Variants in DZIP1 observed in about 807,000 individuals in gnomAD.
DZIP1 encodes the protein DAZ interacting zinc finger protein 1.
A neutral mutation model predicts 107.6 loss-of-function variants in DZIP1; 97 were observed. That is an observed-to-expected ratio of 0.90 (90% CI 0.77 to 1.07). DZIP1 has a LOEUF of 1.07. DZIP1 is among the 50% of genes least tolerant of loss of function. The pLI, the probability that DZIP1 is intolerant of heterozygous loss-of-function variation, is 0.00. For missense variants in DZIP1, 1,035 were observed against 1,063.6 expected (o/e 0.97, Z 0.37); for synonymous variants, 390 against 386.4 (o/e 1.01, Z -0.11).
chr13:95,621,021 G>A lies in DZIP1; in HGVS notation c.1111-1074C>T, dbSNP rs569331665. 1.6e-4 allele frequency among the ~76,000 whole-genome samples: 25 copies of A among 152,306 alleles called. No homozygotes were observed. The South Asian group carries it at 1.9e-3, about 11-fold the overall frequency. ...ACAGGCCCTGCTCTGCACGGGAGGC[G>A]AGTAGACACAGCCATGGAGAATCCA... On this transcript the variant is annotated intron_variant, in intron 9 of 22. Coordinates refer to ENST00000376829, the MANE Select transcript of DZIP1 (RefSeq NM_198968.4).
chr13:95,638,694 A>G (rs7986280), intron 5 of DZIP1, among the ~76,000 whole-genome samples: 123,062 of 151,948 alleles, frequency 0.81, 50,851 homozygotes, highest in Non-Finnish European at 0.91. Context: ...ACCCATTAGG[A>G]TGCGTGCGTG....
In DZIP1 at chr13:95,617,053, C is replaced by T. The variant is rs573696977; in HGVS notation, c.1173+2832G>A. ...TGAAACCCCATCTCTACTAAGAATA[C>T]AAAAATTAGCTCAGCATGGTGGCAC... is the stretch of plus-strand genomic sequence containing the variant. On this transcript the variant is annotated intron_variant, in intron 10 of 22. Transcript: ENST00000376829. Among the ~76,000 whole-genome samples, 16 of 152,018 alleles carry T rather than the reference C, an allele frequency of 1.1e-4. No homozygotes were observed. The South Asian group carries it at 2.9e-3, about 28-fold the overall frequency.
chr13:95,613,215 A>AG (rs958624769), intron 10 of DZIP1, among the ~76,000 whole-genome samples: 10 of 152,126 alleles, frequency 6.6e-5, no homozygotes, highest in East Asian at 1.9e-4. Context: ...AAAGAAACAA[A>AG]GGGGGGGCGG....
In DZIP1 at chr13:95,584,552, C is replaced by T. The variant is rs1266209610; in HGVS notation, c.2524+184G>A. 9.7e-6 allele frequency: 11 copies of T among 1,134,038 alleles called. No homozygotes were observed. The East Asian group carries it at 2.7e-4, about 28-fold the overall frequency. 70.2% of individuals were successfully genotyped at this position (1,134,038 alleles called of 1,614,324 possible). Reference sequence around the variant, plus strand: ...TAGTCCTATAATTAAATAAAAATAACAAGTAAATATATATGAATCAGTGAG... The same window carrying T: ...TAGTCCTATAATTAAATAAAAATAATAAGTAAATATATATGAATCAGTGAG... On this transcript the variant is annotated intron_variant, in intron 22 of 22. Transcript: ENST00000376829.
intron 6 of DZIP1, 98 bp from the exon 7 acceptor site, chr13:95,630,211 C>G: frequency 9.2e-6 from 13 of 1,412,738 alleles, no homozygotes; most frequent in African/African-American, 1.4e-5. Context: ...AGGAAACTGT[C>G]CTCTTACTTG....
chr13:95,619,300 A>C (rs2139223861), intron 10 of DZIP1, among the ~76,000 whole-genome samples: 1 of 152,382 alleles, frequency 6.6e-6, no homozygotes, highest in African/African-American at 2.4e-5. Context: ...CTACACTTAC[A>C]GAAATGCATA....
intron 6 of DZIP1, among the ~76,000 whole-genome samples, chr13:95,630,366 A>G (rs957682991): frequency 6.6e-6 from 1 of 152,128 alleles, no homozygotes; most frequent in Admixed American, 6.5e-5. Context: ...ACATAGATAC[A>G]TGAGAGCCCT....
Position 95,584,674 on chromosome 13 carries a change from A to C in DZIP1, c.2524+62T>G. 3 of 1,540,086 alleles carry C rather than the reference A, an allele frequency of 1.9e-6. 1 individual carries two copies. In the South Asian group the frequency reaches 3.9e-5, roughly 20 times the overall value. On this transcript the variant is annotated intron_variant, in intron 22 of 22. Transcript: ENST00000376829. The stretch of plus-strand genomic sequence containing the variant: ...AGCATAAGTTAATTAGATATTTATA[A>C]AGATGAAACACAACTAATAAGAAAA...
At chr13:95,602,040 T>G (rs999892439) in intron 14 of DZIP1, among the ~76,000 whole-genome samples, 2 of 152,004 alleles carry the variant, frequency 1.3e-5, no homozygotes, top group Non-Finnish European at 2.9e-5. Flanking sequence ...AAGCCTCCCA[T>G]AGCCCAGCTC....
intron 12 of DZIP1, 80 bp from the exon 13 acceptor site, chr13:95,609,593 G>A (rs2044913656): frequency 3.0e-6 from 3 of 1,006,288 alleles, no homozygotes; most frequent in Admixed American, 3.3e-5. Context: ...ACTAATTTGA[G>A]CCCCCATAAA....
In DZIP1 at chr13:95,629,980, G is replaced by A. The variant is rs1877001576; in HGVS notation, c.810+9C>T. 2 of 1,595,634 alleles carry A rather than the reference G, an allele frequency of 1.3e-6. No homozygotes were observed. Among genetic ancestry groups the A allele is most frequent in the Non-Finnish European group, 1.7e-6 (2 of 1,173,150 alleles). ...TGTAATTAAAATACCACAGAATTCT[G>A]CCTGGTACCTTGGAGAATCTGACTG... On this transcript the variant is annotated intron_variant, in intron 7 of 22. Transcript: ENST00000376829.
chr13:95,589,854 CTG>C lies in DZIP1; in HGVS notation c.1920_1921del (p.Asn640LysfsTer5). The C allele has an allele frequency of 6.2e-7, 1 of 1,614,172 alleles. No homozygotes were observed. The highest frequency in any genetic ancestry group is 8.5e-7 in the Non-Finnish European group (1 of 1,180,022). ...AACAGCTTTTTGTCTAATCAGTTGT[CTG>C]TTTTTGGAAGGAAGTTGTATCATTT... On this transcript the variant is annotated frameshift_variant, in exon 18 of 23. Transcript: ENST00000376829. LOFTEE classifies it high-confidence loss of function.
chr13:95,600,775 A>G (rs1195738626), intron 14 of DZIP1, among the ~76,000 whole-genome samples: 1 of 152,192 alleles, frequency 6.6e-6, no homozygotes. Context: ...AATACAGCCT[A>G]TGACTGAGTA....
intron 8 of DZIP1, among the ~76,000 whole-genome samples, chr13:95,623,999 G>C (rs955216622): frequency 2.5e-5 from 3 of 121,038 alleles, no homozygotes; most frequent in Admixed American, 1.8e-4. Context: ...TTCAAAAACA[G>C]GTGGTATGCT....
At chr13:95,629,399 C>T (rs34769361) in intron 7 of DZIP1, among the ~76,000 whole-genome samples, 21 of 152,118 alleles carry the variant, frequency 1.4e-4, no homozygotes, top group Non-Finnish European at 2.2e-4. Context: ...TGGGCTGACA[C>T]AAGGGTCACA....
chr13:95,593,814 A>G lies in DZIP1; in HGVS notation c.1680+130T>C, dbSNP rs773979715. ...TATTCAAGTGTTTGATAAATAAAGT[A>G]GGTCACATTAGCCTCTGTTCTCCAA... On this transcript the variant is annotated intron_variant, in intron 16 of 22. Coordinates refer to ENST00000376829, the MANE Select transcript of DZIP1 (RefSeq NM_198968.4). The G allele has an allele frequency of 3.4e-4, 350 of 1,044,474 alleles. 1 individual carries two copies. Among genetic ancestry groups the G allele is most frequent in the Non-Finnish European group, 4.4e-4 (329 of 746,146 alleles). 64.7% of individuals were successfully genotyped at this position (1,044,474 alleles called of 1,614,324 possible).
In DZIP1 at chr13:95,582,200, G is replaced by C. The variant is rs1315652282; in HGVS notation, c.*34C>G. On this transcript the variant is annotated 3_prime_UTR_variant, in exon 23 of 23. Coordinates refer to ENST00000376829, the MANE Select transcript of DZIP1 (RefSeq NM_198968.4). Reference sequence around the variant, plus strand: ...TGAAACACTGTGATACTGAAATACTGCTGGCTTCTGGAATAATCTTCTGAC... The same window carrying C: ...TGAAACACTGTGATACTGAAATACTCCTGGCTTCTGGAATAATCTTCTGAC... The C allele has an allele frequency of 6.3e-7, 1 of 1,597,564 alleles. No homozygotes were observed. The highest frequency in any genetic ancestry group is 1.1e-5 in the South Asian group (1 of 90,686).
chr13:95,591,738 G>A (rs541616934), intron 16 of DZIP1, among the ~76,000 whole-genome samples: 2 of 152,242 alleles, frequency 1.3e-5, no homozygotes, highest in East Asian at 3.9e-4. Flanking sequence ...TGTAGCTGGA[G>A]GATAAGACCT....
chr13:95,591,358 AT>A (rs756850776), intron 16 of DZIP1, among the ~76,000 whole-genome samples: 1 of 152,220 alleles, frequency 6.6e-6, no homozygotes, highest in Non-Finnish European at 1.5e-5. Flanking sequence ...AAATAGCATA[AT>A]TAAAGAGACA....
Sources: gnomAD v4.1 joint callset for allele counts (sites outside exome capture counted in the v4.1 genomes callset) on GRCh38, gnomAD v4.1.1 for gene constraint, MANE v1.5 for transcripts, NCBI Gene and HGNC (gene_info 2026-07-23, HGNC 2026-07-21) for gene names.